The following TTR variants were observed in gnomAD, a reference collection of about 807,000 sequenced individuals.
The protein encoded by TTR is epididymis luminal protein 111.
A neutral mutation model predicts 13.7 loss-of-function variants in TTR; 8 were observed. That is an observed-to-expected ratio of 0.58 (90% CI 0.34 to 1.05). The LOEUF is 1.05. Ranked by LOEUF, TTR falls within the 50% of genes least tolerant of loss-of-function variation. The pLI is 0.02. For missense variants in TTR, 135 were observed against 185.5 expected (o/e 0.73, Z 1.58); for synonymous variants, 75 against 71.7 (o/e 1.05, Z -0.23).
At chr18:31,594,859 T>C (rs570336650) in intron 2 of TTR, among the ~76,000 whole-genome samples, 1 of 151,092 alleles carries the variant, frequency 6.6e-6, no homozygotes, top group East Asian at 1.9e-4. Flanking sequence ...AGTAAAACTC[T>C]GTCTCAAAAA....
In TTR at chr18:31,595,182, T is replaced by C. The variant is rs1567946180; in HGVS notation, c.263T>C (p.Ile88Thr). ...LTTEEEFVEG[I>T]YKVEIDTKSY... ...ACTGAGGAGGAATTTGTAGAAGGGA[T>C]ATACAAAGTGGAAATAGACACCAAA... The change falls in exon 3 of 4, where the codon ATA becomes ACA. Residue 88 changes from isoleucine to threonine, a missense_variant. By Grantham distance (89) the Ile-to-Thr change is moderately conservative. Coordinates refer to ENST00000237014, the MANE Select transcript of TTR (RefSeq NM_000371.4). The C allele has an allele frequency of 1.2e-6, 2 of 1,614,012 alleles. No homozygotes were observed. The highest frequency in any genetic ancestry group is 8.5e-7 in the Non-Finnish European group (1 of 1,180,008).
rs908159675 is a variant in TTR, at chr18:31,598,733, G to A, written c.*58G>A. 6.4e-6 allele frequency: 10 copies of A among 1,566,692 alleles called. No homozygotes were observed. The African/African-American group carries it at 9.5e-5, about 15-fold the overall frequency. ...GGGATGGGATTTCATGTAACCAAGA[G>A]TATTCCATTTTTACTAAAGCAGTGT... On this transcript the variant is annotated 3_prime_UTR_variant, in exon 4 of 4. Transcript: ENST00000237014.
chr18:31,598,123 G>A, intron 3 of TTR: 2 of 321,364 alleles, frequency 6.2e-6, no homozygotes, highest in South Asian at 5.7e-5. Context: ...AGTCTGGTTT[G>A]CTCATCTGTA....
rs775510503 is a variant in TTR, at chr18:31,595,116, A to G, written c.201-4A>G. On this transcript the variant is annotated splice_polypyrimidine_tract_variant and splice_region_variant and intron_variant, in intron 2 of 3. Coordinates refer to ENST00000237014, the MANE Select transcript of TTR (RefSeq NM_000371.4). ...AACTTAATCCAGACTTTCACACCTTATAGGAAAACCAGTGAGTCTGGAGAG... is the reference window on the plus strand; with the variant it reads ...AACTTAATCCAGACTTTCACACCTTGTAGGAAAACCAGTGAGTCTGGAGAG... The G allele has an allele frequency of 1.7e-5, 27 of 1,613,932 alleles. No homozygotes were observed.
chr18:31,592,495 C>T (rs1041901201), intron 1 of TTR, among the ~76,000 whole-genome samples: 1 of 152,174 alleles, frequency 6.6e-6, no homozygotes, highest in African/African-American at 2.4e-5. Flanking sequence ...TATTTTATAA[C>T]AACTGGTAAG....
chr18:31,592,084 A>G, intron 1 of TTR, 113 bp downstream of exon 1: 2 of 1,031,168 alleles, frequency 1.9e-6, no homozygotes, highest in South Asian at 1.3e-5. Flanking sequence ...AAGGGTACCC[A>G]GCATCTATTT....
Position 31,592,926 on chromosome 18 carries a change from G to A in TTR, c.100G>A (p.Val34Ile). The A allele has an allele frequency of 6.2e-7, 1 of 1,614,086 alleles. No individual in the cohort carries two copies. Among genetic ancestry groups the A allele is most frequent in the Non-Finnish European group, 8.5e-7 (1 of 1,179,978 alleles). ...GTGESKCPLM[V>I]KVLDAVRGSP... is the part of the protein sequence containing the mutation. ...CGGTGAATCCAAGTGTCCTCTGATGGTCAAAGTTCTAGATGCTGTCCGAGG... is the reference window on the plus strand; with the variant it reads ...CGGTGAATCCAAGTGTCCTCTGATGATCAAAGTTCTAGATGCTGTCCGAGG... Residue 34 changes from valine to isoleucine, a missense_variant, in exon 2 of 4, where the codon GTC becomes ATC. Physicochemically the swap from Val to Ile is conservative, Grantham distance 29. Transcript: ENST00000237014.
intron 2 of TTR, among the ~76,000 whole-genome samples, chr18:31,594,883 C>A (rs1157603644): frequency 1.3e-5 from 2 of 151,942 alleles, no homozygotes; most frequent in Non-Finnish European, 2.9e-5. Context: ...AAAATTATAC[C>A]TACATTCTCT....
intron 3 of TTR, 81 bp downstream of exon 3, chr18:31,595,336 T>G: frequency 6.3e-7 from 1 of 1,582,004 alleles, no homozygotes; most frequent in East Asian, 2.2e-5. Flanking sequence ...TTTTACTCAG[T>G]GTACCACAGA....
In TTR at chr18:31,593,118, G is replaced by T. The variant is rs2073495310; in HGVS notation, c.200+92G>T. On this transcript the variant is annotated intron_variant, in intron 2 of 3. Transcript: ENST00000237014. ...AGAGAGGCTCACATCATCTGCTAAA[G>T]AATTTACAAGTAGATTGAAAAACGT... is the stretch of plus-strand genomic sequence containing the variant. The T allele has an allele frequency of 4.4e-6, 7 of 1,581,856 alleles. No homozygotes were observed. The Admixed American group carries it at 1.0e-4, about 23-fold the overall frequency.
chr18:31,595,181 A>T lies in TTR; in HGVS notation c.262A>T (p.Ile88Leu), dbSNP rs121918085. The T allele has an allele frequency of 1.3e-5, 21 of 1,613,992 alleles. No individual in the cohort carries two copies. Among genetic ancestry groups the T allele is most frequent in the African/African-American group, 5.3e-5 (4 of 74,924 alleles). The part of the protein sequence containing the change: ...LTTEEEFVEG[I>L]YKVEIDTKSY... ...AACTGAGGAGGAATTTGTAGAAGGG[A>T]TATACAAAGTGGAAATAGACACCAA... Residue 88 changes from isoleucine to leucine, a missense_variant, in exon 3 of 4, where the codon ATA becomes TTA. Coordinates refer to ENST00000237014, the MANE Select transcript of TTR (RefSeq NM_000371.4).
At chr18:31,595,569 G>A in intron 3 of TTR, 2 of 458,072 alleles carry the variant, frequency 4.4e-6, no homozygotes, top group South Asian at 3.5e-5. Flanking sequence ...CAGCCCTCCA[G>A]ACCCCACGTA....
In TTR at chr18:31,595,144, G is replaced by A. The variant is rs1400841714; in HGVS notation, c.225G>A (p.Leu75=). The A allele has an allele frequency of 6.2e-7, 1 of 1,614,060 alleles. No individual in the cohort carries two copies. The highest frequency in any genetic ancestry group is 8.5e-7 in the Non-Finnish European group (1 of 1,180,018). The change falls in exon 3 of 4, where the codon CTG becomes CTA. Residue 75 remains leucine, a synonymous_variant. Transcript: ENST00000237014. ...ASGKTSESGE[L]HGLTTEEEFV... ...GGAAAACCAGTGAGTCTGGAGAGCT[G>A]CATGGGCTCACAACTGAGGAGGAAT... is the stretch of plus-strand genomic sequence containing the variant.
intron 3 of TTR, chr18:31,598,177 G>A (rs1402402697): frequency 8.7e-6 from 3 of 346,550 alleles, no homozygotes; most frequent in East Asian, 7.4e-5. Flanking sequence ...AAATCTCTAA[G>A]TCTGTGGTTG....
chr18:31,596,481 A>C (rs1395654363), intron 3 of TTR, among the ~76,000 whole-genome samples: 1 of 152,130 alleles, frequency 6.6e-6, no homozygotes, highest in Non-Finnish European at 1.5e-5. Flanking sequence ...CATTGCCCCT[A>C]GAGTCTCAGC....
chr18:31,592,058 C>T, intron 1 of TTR, 87 bp downstream of exon 1: 2 of 1,359,976 alleles, frequency 1.5e-6, no homozygotes, highest in Non-Finnish European at 2.1e-6. Flanking sequence ...TGCCAACCAG[C>T]TTTTATTACT....
chr18:31,598,723 G>C lies in TTR; in HGVS notation c.*48G>C, dbSNP rs760022426. 6.3e-7 allele frequency: 1 copy of C among 1,579,420 alleles called. No homozygotes were observed. The highest frequency in any genetic ancestry group is 8.7e-7 in the Non-Finnish European group (1 of 1,149,410). ...TGAAGGACGAGGGATGGGATTTCAT[G>C]TAACCAAGAGTATTCCATTTTTACT... is the stretch of plus-strand genomic sequence containing the variant. On this transcript the variant is annotated 3_prime_UTR_variant, in exon 4 of 4. Transcript: ENST00000237014.
At chr18:31,593,479 G>GC in intron 2 of TTR, 1 of 242,258 alleles carries the variant, frequency 4.1e-6, no homozygotes, top group Non-Finnish European at 8.2e-6. Flanking sequence ...AAGGTATAAT[G>GC]TGTATTAACC....
Position 31,595,158 on chromosome 18 carries a change from C to T in TTR, c.239C>T (p.Thr80Ile), listed in dbSNP as rs1254341785. Reference sequence around the variant, plus strand: ...TCTGGAGAGCTGCATGGGCTCACAACTGAGGAGGAATTTGTAGAAGGGATA... The same window carrying T: ...TCTGGAGAGCTGCATGGGCTCACAATTGAGGAGGAATTTGTAGAAGGGATA... ...SESGELHGLT[T>I]EEEFVEGIYK... The change falls in exon 3 of 4, where the codon ACT becomes ATT. Residue 80 changes from threonine (T) to isoleucine (I), a missense_variant. Transcript: ENST00000237014. 2.5e-6 allele frequency: 4 copies of T among 1,614,012 alleles called. No individual in the cohort carries two copies. In the South Asian group the frequency reaches 3.3e-5, roughly 13 times the overall value.
Sources: allele counts gnomAD v4.1 joint callset (sites outside exome capture counted in the v4.1 genomes callset), GRCh38; gene constraint gnomAD v4.1.1; transcripts MANE v1.5; gene names NCBI Gene and HGNC (gene_info 2026-07-23, HGNC 2026-07-21).